The following NSRP1 variants were observed in gnomAD, a reference collection of about 807,000 sequenced individuals.
NSRP1 encodes coiled-coil domain containing 55.
A neutral mutation model predicts 54.7 loss-of-function variants in NSRP1; 24 were observed. That is an observed-to-expected ratio of 0.44 (90% CI 0.32 to 0.62). The LOEUF is 0.62. Ranked by LOEUF, NSRP1 falls within the 20% of genes least tolerant of loss-of-function variation. The probability of loss-of-function intolerance (pLI) is 0.06; values close to 1 mark genes in which losing one functional copy is unlikely to be tolerated. For synonymous variants in NSRP1, 210 were observed against 213.8 expected (o/e 0.98, Z 0.15); for missense variants, 596 against 651.2 (o/e 0.92, Z 0.92).
chr17:30,163,830 G>A lies in NSRP1; in HGVS notation c.115-8712G>A, dbSNP rs559286595. 4.6e-5 allele frequency among the ~76,000 whole-genome samples: 7 copies of A among 151,764 alleles called. No individual in the cohort carries two copies. In the South Asian group the frequency reaches 6.2e-4, roughly 14 times the overall value. On this transcript the variant is annotated intron_variant, in intron 2 of 6. Transcript: ENST00000247026. ...CCCGAGTAGCTGGGACTACAGGCGC[G>A]CGCCACCATGCCCAACTAATTTTTT...
chr17:30,134,647 A>G (rs76410976), intron 2 of NSRP1, among the ~76,000 whole-genome samples: 6 of 152,216 alleles, frequency 3.9e-5, no homozygotes, highest in Non-Finnish European at 7.3e-5. Flanking sequence ...GGGTACTTAG[A>G]TAATAGAGCT....
Position 30,182,081 on chromosome 17 carries a change from A to C in NSRP1, c.617+1065A>C, listed in dbSNP as rs1206971097. On this transcript the variant is annotated intron_variant, in intron 6 of 6. Transcript: ENST00000247026. ...TTTTTTTTTTTTTTTTTAAATAAGAATGTGGGTATTCCTCATGATCCTTAA... is the reference window on the plus strand; with the variant it reads ...TTTTTTTTTTTTTTTTTAAATAAGACTGTGGGTATTCCTCATGATCCTTAA... 1.4e-4 allele frequency among the ~76,000 whole-genome samples: 19 copies of C among 139,150 alleles called. 1 individual carries two copies. The highest frequency in any genetic ancestry group is 1.5e-5 in the Non-Finnish European group (1 of 65,576). The allele number at this position is 139,150 out of a possible 152,430, so 91.3% of individuals were successfully genotyped here.
At chr17:30,183,616 A>G (rs1305123193) in intron 6 of NSRP1, among the ~76,000 whole-genome samples, 1 of 152,206 alleles carries the variant, frequency 6.6e-6, no homozygotes, top group Non-Finnish European at 1.5e-5. Context: ...TTGTTGCACC[A>G]TTAGTGTGAT....
At chr17:30,154,808 A>G (rs1312842681) in intron 2 of NSRP1, among the ~76,000 whole-genome samples, 1 of 152,104 alleles carries the variant, frequency 6.6e-6, no homozygotes, top group Non-Finnish European at 1.5e-5. Context: ...GAATATTTGT[A>G]TTATACTTAA....
chr17:30,148,619 C>T (rs1405790891), intron 2 of NSRP1, among the ~76,000 whole-genome samples: 1 of 152,144 alleles, frequency 6.6e-6, no homozygotes, highest in Non-Finnish European at 1.5e-5. Context: ...TGAATCTTGT[C>T]AGTTGCCTCT....
At chr17:30,160,161 T>A (rs1006824838) in intron 2 of NSRP1, among the ~76,000 whole-genome samples, 6 of 152,228 alleles carry the variant, frequency 3.9e-5, no homozygotes, top group African/African-American at 1.4e-4. Context: ...CACTTGATTG[T>A]GGTATATTGT....
At chr17:30,120,809 A>G (rs1202479179) in intron 2 of NSRP1, among the ~76,000 whole-genome samples, 2 of 152,212 alleles carry the variant, frequency 1.3e-5, no homozygotes, top group Non-Finnish European at 2.9e-5. Flanking sequence ...TGGGATTTGA[A>G]CACAGGCCTA....
At chr17:30,128,871 A>G (rs1224666324) in intron 2 of NSRP1, among the ~76,000 whole-genome samples, 1 of 151,924 alleles carries the variant, frequency 6.6e-6, no homozygotes, top group Admixed American at 6.6e-5. Context: ...AAAGCATTTC[A>G]TATTAATGGT....
intron 1 of NSRP1, 98 bp downstream of exon 1, chr17:30,116,961 CTG>C: frequency 7.1e-7 from 1 of 1,415,138 alleles, no homozygotes; most frequent in Non-Finnish European, 9.8e-7. Flanking sequence ...AGTGAAGGGA[CTG>C]TGTCGTCAAG....
rs1210348611 is a variant in NSRP1, at chr17:30,138,911, T to TTTG, written c.114+20740_114+20741insGTT. ...GAAGTGGTATCTCAAGTCTTAGCGT[T>TTTG]TTTTTTTTTTTTTTTTTTTTTTTTG... On this transcript the variant is annotated intron_variant, in intron 2 of 6. Coordinates refer to ENST00000247026, the MANE Select transcript of NSRP1 (RefSeq NM_032141.4). Among the ~76,000 whole-genome samples the TTTG allele has an allele frequency of 5.0e-3, 580 of 116,048 alleles. 18 individuals carry two copies. The highest frequency in any genetic ancestry group is 7.9e-3 in the Non-Finnish European group (434 of 54,834). 76.1% of individuals were successfully genotyped at this position (116,048 alleles called of 152,430 possible). A position where few individuals can be genotyped will look rare whatever the true frequency, so the allele number is the denominator to read the frequency against.
chr17:30,173,049 C>T (rs1905011179), intron 3 of NSRP1, among the ~76,000 whole-genome samples: 1 of 151,904 alleles, frequency 6.6e-6, no homozygotes, highest in Admixed American at 6.6e-5. Flanking sequence ...CTGCAGTCTC[C>T]ATCTCCTGGG....
chr17:30,140,317 A>G (rs1256358555), intron 2 of NSRP1, among the ~76,000 whole-genome samples: 2 of 152,176 alleles, frequency 1.3e-5, no homozygotes, highest in Non-Finnish European at 2.9e-5. Flanking sequence ...CCACTGTGGT[A>G]AATATTGACA....
intron 2 of NSRP1, among the ~76,000 whole-genome samples, chr17:30,172,244 A>G (rs984251472): frequency 1.3e-5 from 2 of 152,182 alleles, no homozygotes; most frequent in African/African-American, 4.8e-5. Context: ...ACTTTTAACT[A>G]TAAGTAAGGC....
intron 2 of NSRP1, among the ~76,000 whole-genome samples, chr17:30,155,488 GTC>G (rs778368977): frequency 3.4e-4 from 52 of 152,188 alleles, no homozygotes; most frequent in Non-Finnish European, 6.5e-4. Flanking sequence ...TAGTTTATAT[GTC>G]TTCCTCTGGG....
At chr17:30,174,994 A>G (rs1271809153) in intron 3 of NSRP1, among the ~76,000 whole-genome samples, 1 of 152,198 alleles carries the variant, frequency 6.6e-6, no homozygotes. Flanking sequence ...GATAATACCA[A>G]GGTTTGGCGA....
At chr17:30,139,074 T>C in intron 2 of NSRP1, among the ~76,000 whole-genome samples, 1 of 151,106 alleles carries the variant, frequency 6.6e-6, no homozygotes, top group Non-Finnish European at 1.5e-5. Flanking sequence ...CCTGCTACCA[T>C]GCCTAGCTAA....
intron 4 of NSRP1, 42 bp downstream of exon 4, chr17:30,178,241 A>C: frequency 6.3e-7 from 1 of 1,575,282 alleles, no homozygotes; most frequent in Non-Finnish European, 8.6e-7. Context: ...ACCTTGACCT[A>C]CATTTTGTGT....
intron 2 of NSRP1, among the ~76,000 whole-genome samples, chr17:30,139,123 T>A (rs1362367588): frequency 6.6e-6 from 1 of 151,612 alleles, no homozygotes; most frequent in Non-Finnish European, 1.5e-5. Flanking sequence ...TTCACTGTGT[T>A]AGCCAGGATG....
intron 2 of NSRP1, chr17:30,126,136 C>T (rs1036182355): frequency 6.6e-6 from 1 of 152,170 alleles, no homozygotes; most frequent in African/African-American, 2.4e-5. Flanking sequence ...GATTGATCTT[C>T]CTAAAGCACA....
Sources: gnomAD v4.1 joint callset for allele counts (sites outside exome capture counted in the v4.1 genomes callset) on GRCh38, gnomAD v4.1.1 for gene constraint, MANE v1.5 for transcripts, NCBI Gene and HGNC (gene_info 2026-07-23, HGNC 2026-07-21) for gene names.